Variants in IGSF21 observed in about 807,000 individuals in gnomAD.
The protein encoded by IGSF21 is immunoglobin superfamily member 21.
Under a neutral mutation model 46.8 loss-of-function variants are expected in IGSF21, and 28 were observed. That is an observed-to-expected ratio of 0.60 (90% confidence interval 0.44 to 0.82). IGSF21 has a LOEUF of 0.82. Ranked by LOEUF, IGSF21 falls within the 40% of genes least tolerant of loss-of-function variation. The probability of loss-of-function intolerance (pLI) is 0.00; values close to 1 mark genes in which losing one functional copy is unlikely to be tolerated. For missense variants in IGSF21, 624 were observed against 665.5 expected, an observed-to-expected ratio of 0.94 and a Z score of 0.69; for synonymous variants, 284 against 273.6, an observed-to-expected ratio of 1.04 and a Z score of -0.38.
At chr1:18,222,615 C>T (rs887581982) in intron 1 of IGSF21, among the ~76,000 whole-genome samples, 1 of 152,136 alleles carries the variant, frequency 6.6e-6, no homozygotes, top group African/African-American at 2.4e-5. Context: ...CATGGCAGTC[C>T]CATAACTTGC....
intron 4 of IGSF21, among the ~76,000 whole-genome samples, chr1:18,357,585 G>C (rs543442067): frequency 2.0e-5 from 3 of 152,064 alleles, no homozygotes; most frequent in Non-Finnish European, 4.4e-5. Flanking sequence ...GCTTTTATTG[G>C]GCTATGAAAC....
chr1:18,238,549 T>C (rs2084694665), intron 2 of IGSF21, among the ~76,000 whole-genome samples: 1 of 152,138 alleles, frequency 6.6e-6, no homozygotes, highest in Admixed American at 6.5e-5. Context: ...TTAAGATCAG[T>C]TTCTGATAAT....
At chr1:18,350,091 C>T (rs1355220674) in intron 4 of IGSF21, among the ~76,000 whole-genome samples, 1 of 152,074 alleles carries the variant, frequency 6.6e-6, no homozygotes. Context: ...GAGGAAAGGG[C>T]CCTCGCTCCT....
At chr1:18,200,588 T>C (rs1224715703) in intron 1 of IGSF21, among the ~76,000 whole-genome samples, 1 of 152,206 alleles carries the variant, frequency 6.6e-6, no homozygotes, top group African/African-American at 2.4e-5. Flanking sequence ...TCTGCTTCTG[T>C]GTCCAAATTC....
intron 3 of IGSF21, among the ~76,000 whole-genome samples, chr1:18,311,534 T>C (rs2085488808): frequency 6.6e-6 from 1 of 152,200 alleles, no homozygotes. Context: ...CTGCCATCCA[T>C]TTCTTTACCT....
intron 1 of IGSF21, among the ~76,000 whole-genome samples, chr1:18,155,623 G>A (rs536592280): frequency 2.0e-5 from 3 of 152,340 alleles, no homozygotes; most frequent in African/African-American, 7.2e-5. Flanking sequence ...CCTAACAGAG[G>A]GACTCAGCCC....
intron 1 of IGSF21, among the ~76,000 whole-genome samples, chr1:18,137,667 A>T (rs116541484): frequency 6.6e-6 from 1 of 151,876 alleles, no homozygotes; most frequent in Non-Finnish European, 1.5e-5. Flanking sequence ...AAAGTTCATA[A>T]CTCTAATATA....
At chr1:18,345,989 AG>A (rs1445753858) in intron 4 of IGSF21, among the ~76,000 whole-genome samples, 3 of 152,194 alleles carry the variant, frequency 2.0e-5, no homozygotes, top group Non-Finnish European at 4.4e-5. Context: ...TGGGGGTTAC[AG>A]TAGCACCTGT....
intron 2 of IGSF21, among the ~76,000 whole-genome samples, chr1:18,238,310 G>T (rs1420816650): frequency 6.6e-6 from 1 of 152,216 alleles, no homozygotes; most frequent in African/African-American, 2.4e-5. Flanking sequence ...GGGGAATGGG[G>T]GTGAGAGGTG....
chr1:18,175,646 G>A (rs1268599699), intron 1 of IGSF21, among the ~76,000 whole-genome samples: 1 of 152,100 alleles, frequency 6.6e-6, no homozygotes, highest in Admixed American at 6.5e-5. Context: ...TCCCTTATAA[G>A]GGGTCCCTTG....
At chr1:18,136,771 T>C (rs1049809218) in intron 1 of IGSF21, among the ~76,000 whole-genome samples, 9 of 152,070 alleles carry the variant, frequency 5.9e-5, no homozygotes, top group African/African-American at 2.2e-4. Flanking sequence ...AACTTTAAAG[T>C]AGTATTTTCC....
In IGSF21 at chr1:18,334,773, C is replaced by T. The variant is rs2124605990; in HGVS notation, c.306-119C>T. Reference sequence around the variant, plus strand: ...ATGCTCCCCTCCTCCCAGCCCAGCACACAGGCCTGTGTTTGTTAGTGGAGG... The same window carrying T: ...ATGCTCCCCTCCTCCCAGCCCAGCATACAGGCCTGTGTTTGTTAGTGGAGG... On this transcript the variant is annotated intron_variant, in intron 3 of 9. Coordinates refer to ENST00000251296, the MANE Select transcript of IGSF21 (RefSeq NM_032880.5). The surrounding 1 kb of genome is among the most constrained non-coding windows in gnomAD (Gnocchi z 4.3). 1 of 745,218 alleles carries T rather than the reference C, an allele frequency of 1.3e-6. No individual in the cohort carries two copies. Among genetic ancestry groups the T allele is most frequent in the East Asian group, 2.5e-5 (1 of 40,620 alleles). 46.2% of individuals were successfully genotyped at this position (745,218 alleles called of 1,614,324 possible). A position where few individuals can be genotyped will look rare whatever the true frequency, so the allele number is the denominator to read the frequency against.
intron 4 of IGSF21, among the ~76,000 whole-genome samples, chr1:18,358,214 T>A (rs1487626868): frequency 6.6e-6 from 1 of 152,146 alleles, no homozygotes; most frequent in Admixed American, 6.5e-5. Context: ...TCAGTTTGCT[T>A]ACTTATAAAA....
chr1:18,231,756 C>G (rs1027270786), intron 2 of IGSF21, among the ~76,000 whole-genome samples: 3 of 152,130 alleles, frequency 2.0e-5, no homozygotes, highest in African/African-American at 7.2e-5. Context: ...CACTGGATAA[C>G]CTGCTGTAGA....
chr1:18,108,349 G>C, intron 1 of IGSF21, 151 bp downstream of exon 1: 1 of 774,728 alleles, frequency 1.3e-6, no homozygotes, highest in Non-Finnish European at 1.8e-6. Flanking sequence ...GCTCGATGAG[G>C]GAGGGAGGAC....
intron 3 of IGSF21, among the ~76,000 whole-genome samples, chr1:18,306,625 T>A (rs2085428488): frequency 6.6e-6 from 1 of 152,168 alleles, no homozygotes; most frequent in South Asian, 2.1e-4. Flanking sequence ...GGGGCCAATG[T>A]AGATTTCATA....
chr1:18,206,503 C>G (rs186103202), intron 1 of IGSF21, among the ~76,000 whole-genome samples: 1 of 150,322 alleles, frequency 6.7e-6, no homozygotes, highest in East Asian at 2.0e-4. Context: ...GAGCCATGAT[C>G]GCACCACTGC....
chr1:18,132,441 C>T (rs2086330001), intron 1 of IGSF21, among the ~76,000 whole-genome samples: 1 of 152,192 alleles, frequency 6.6e-6, no homozygotes, highest in Non-Finnish European at 1.5e-5. Context: ...TGAATGGAAG[C>T]CTTAGAGAAG....
intron 3 of IGSF21, among the ~76,000 whole-genome samples, chr1:18,301,586 C>T (rs1180621281): frequency 6.6e-6 from 1 of 152,146 alleles, no homozygotes; most frequent in Non-Finnish European, 1.5e-5. Context: ...AGTGATGCAC[C>T]CGCCTTGGCC....
Sources: gnomAD v4.1 joint callset for allele counts (sites outside exome capture counted in the v4.1 genomes callset) on GRCh38, gnomAD v4.1.1 for gene constraint, Gnocchi (gnomAD v3.1) non-coding constraint, MANE v1.5 for transcripts, NCBI Gene and HGNC (gene_info 2026-07-23, HGNC 2026-07-21) for gene names.